TSPAN18: variants seen among roughly 807,000 people sequenced by gnomAD.
TSPAN18 encodes tetraspanin 18, also known as tetraspanin-18.
In TSPAN18, 14 loss-of-function variants were observed where a neutral mutation model predicts 27.3. The observed-to-expected ratio is 0.51, with a 90% CI of 0.34 to 0.80. The LOEUF (loss-of-function observed/expected upper bound fraction) is 0.80. Among genes scored for constraint, TSPAN18 ranks in the 30% least tolerant of loss-of-function variants. The pLI is 0.01. For synonymous variants in TSPAN18, 143 were observed against 136.5 expected, an observed-to-expected ratio of 1.05 and a Z score of -0.33; for missense variants, 268 against 323.9, an observed-to-expected ratio of 0.83 and a Z score of 1.32.
intron 2 of TSPAN18, among the ~76,000 whole-genome samples, chr11:44,790,379 G>A (rs749380085): frequency 4.0e-5 from 6 of 150,676 alleles, no homozygotes; most frequent in African/African-American, 1.2e-4. Context: ...GTTTGTGTGC[G>A]TGTGTGTGCA....
chr11:44,876,787 C>A (rs1858345383), intron 3 of TSPAN18, among the ~76,000 whole-genome samples: 1 of 152,194 alleles, frequency 6.6e-6, no homozygotes, highest in Non-Finnish European at 1.5e-5. Context: ...ACTGCTTCAG[C>A]TTTTTTTAAC....
chr11:44,811,513 G>T lies in TSPAN18; in HGVS notation c.-153+47001G>T, dbSNP rs1856715902. Among the ~76,000 whole-genome samples the T allele has an allele frequency of 3.3e-5, 5 of 150,598 alleles. No individual in the cohort carries two copies. The South Asian group carries it at 1.1e-3, about 32-fold the overall frequency. On this transcript the variant is annotated intron_variant, in intron 2 of 9. Coordinates refer to ENST00000520358, the MANE Select transcript of TSPAN18 (RefSeq NM_130783.5). ...TCGCTCTTGTTGCCCAGGCTGGAGT[G>T]CAATGGCACAATCTCGGCTCACTGC...
intron 2 of TSPAN18, among the ~76,000 whole-genome samples, chr11:44,809,522 G>A (rs190459636): frequency 4.7e-4 from 71 of 152,340 alleles, no homozygotes; most frequent in African/African-American, 1.2e-3. Flanking sequence ...CCATAGATGC[G>A]TCTGGCTGTC....
chr11:44,771,732 C>T (rs1343418586), intron 2 of TSPAN18, among the ~76,000 whole-genome samples: 1 of 152,152 alleles, frequency 6.6e-6, no homozygotes, highest in Non-Finnish European at 1.5e-5. Context: ...AGTGTATTAG[C>T]TATCATGAGT....
intron 1 of TSPAN18, among the ~76,000 whole-genome samples, chr11:44,755,761 C>T (rs552233584): frequency 3.9e-5 from 6 of 152,214 alleles, no homozygotes; most frequent in East Asian, 1.9e-4. Flanking sequence ...GCTTGGGAGA[C>T]GAGGTCTGAG....
chr11:44,734,594 G>A (rs974885673), intron 1 of TSPAN18, among the ~76,000 whole-genome samples: 5 of 152,366 alleles, frequency 3.3e-5, no homozygotes, highest in African/African-American at 4.8e-5. Flanking sequence ...ACTCCTGGTC[G>A]TTGGAAGGAG....
chr11:44,890,323 T>C (rs1341341905), intron 3 of TSPAN18, among the ~76,000 whole-genome samples: 1 of 152,226 alleles, frequency 6.6e-6, no homozygotes, highest in South Asian at 2.1e-4. Flanking sequence ...AAATGGGTAT[T>C]TTCTTCCATT....
At chr11:44,860,170 C>G (rs1857840067) in intron 2 of TSPAN18, among the ~76,000 whole-genome samples, 158 bp from the exon 3 acceptor site, 1 of 152,208 alleles carries the variant, frequency 6.6e-6, no homozygotes, top group Admixed American at 6.5e-5. Flanking sequence ...TCAGTCGGAT[C>G]TAGATGTTGA....
intron 2 of TSPAN18, among the ~76,000 whole-genome samples, chr11:44,791,955 A>G (rs1856235605): frequency 6.6e-6 from 1 of 152,208 alleles, no homozygotes; most frequent in Non-Finnish European, 1.5e-5. Context: ...TTGAGCACCT[A>G]CAGTGGGCTG....
At chr11:44,905,618 G>C (rs947590681) in intron 3 of TSPAN18, among the ~76,000 whole-genome samples, 1 of 152,246 alleles carries the variant, frequency 6.6e-6, no homozygotes, top group Non-Finnish European at 1.5e-5. Flanking sequence ...TTTCCCCTGG[G>C]GGATGGGGGA....
At chr11:44,750,887 C>T (rs1017910043) in intron 1 of TSPAN18, among the ~76,000 whole-genome samples, 3 of 152,228 alleles carry the variant, frequency 2.0e-5, no homozygotes, top group African/African-American at 7.2e-5. Flanking sequence ...CAGTGACTTA[C>T]AGGCAGTGCC....
chr11:44,907,362 C>T (rs1859491871), intron 4 of TSPAN18, among the ~76,000 whole-genome samples: 1 of 152,224 alleles, frequency 6.6e-6, no homozygotes, highest in Non-Finnish European at 1.5e-5. Flanking sequence ...TAAACCTCCA[C>T]TCATGTCCTT....
intron 3 of TSPAN18, among the ~76,000 whole-genome samples, chr11:44,900,605 A>T (rs1284000209): frequency 1.4e-5 from 2 of 142,142 alleles, no homozygotes; most frequent in Non-Finnish European, 3.0e-5. Context: ...AACTCAGTGT[A>T]TGCCAGTGGT....
intron 2 of TSPAN18, among the ~76,000 whole-genome samples, chr11:44,828,108 T>C (rs866346304): frequency 2.6e-5 from 4 of 152,100 alleles, no homozygotes; most frequent in Non-Finnish European, 4.4e-5. Flanking sequence ...TGTGTAAGCA[T>C]TGGGTGTCTT....
intron 1 of TSPAN18, among the ~76,000 whole-genome samples, chr11:44,760,153 TA>T (rs1855419252): frequency 6.6e-6 from 1 of 152,092 alleles, no homozygotes; most frequent in Non-Finnish European, 1.5e-5. Context: ...GATCAGATGA[TA>T]AAAGGCCTTG....
intron 2 of TSPAN18, among the ~76,000 whole-genome samples, chr11:44,777,093 G>A (rs556083238): frequency 2.6e-4 from 40 of 152,230 alleles, no homozygotes; most frequent in Non-Finnish European, 1.3e-4. Context: ...AGCGGACCTA[G>A]ATGGGAGACT....
chr11:44,788,047 G>A (rs995376728), intron 2 of TSPAN18, among the ~76,000 whole-genome samples: 2 of 152,182 alleles, frequency 1.3e-5, no homozygotes, highest in Non-Finnish European at 2.9e-5. Flanking sequence ...AGAAAAGGTT[G>A]AGCATGGAAA....
intron 2 of TSPAN18, among the ~76,000 whole-genome samples, chr11:44,818,170 C>G (rs1856851515): frequency 6.6e-6 from 1 of 152,236 alleles, no homozygotes; most frequent in Non-Finnish European, 1.5e-5. Flanking sequence ...TTGCAAATGG[C>G]TAGGTGGGTG....
chr11:44,871,298 C>T (rs142524977), intron 3 of TSPAN18, among the ~76,000 whole-genome samples: 1,550 of 152,216 alleles, frequency 0.01, 10 homozygotes, highest in Middle Eastern at 0.048. Flanking sequence ...CCATCTTCGC[C>T]TTGTATCTTC....
Sources: gnomAD v4.1 joint callset for allele counts (sites outside exome capture counted in the v4.1 genomes callset) on GRCh38, gnomAD v4.1.1 for gene constraint, MANE v1.5 for transcripts, NCBI Gene and HGNC (gene_info 2026-07-23, HGNC 2026-07-21) for gene names.